The following MTSS2 variants were observed in gnomAD, a reference collection of about 807,000 sequenced individuals.
MTSS2 encodes MTSS I-BAR domain containing 2.
MTSS2 carries 27 observed loss-of-function variants against 67.1 expected under a neutral mutation model. The ratio of observed to expected loss-of-function variants is 0.40; its 90% CI spans 0.30 to 0.55. The LOEUF (loss-of-function observed/expected upper bound fraction) is 0.55. MTSS2 is among the 20% of genes least tolerant of loss of function. MTSS2 has a pLI of 0.43. For synonymous variants in MTSS2, 624 were observed against 468.6 expected (o/e 1.33, Z -4.28); for missense variants, 1,171 against 1,067.8 (o/e 1.10, Z -1.35).
At chr16:70,679,727 G>C in intron 5 of MTSS2, 23 bp from the exon 6 acceptor site, 1 of 1,610,318 alleles carries the variant, frequency 6.2e-7, no homozygotes, top group Non-Finnish European at 8.5e-7. Flanking sequence ...AGAGCGGAGC[G>C]CTCTAATGGG....
chr16:70,664,135 G>A lies in MTSS2; in HGVS notation c.1786C>T (p.Pro596Ser). 2 of 1,610,380 alleles carry A rather than the reference G, an allele frequency of 1.2e-6. No individual in the cohort carries two copies. The highest frequency in any genetic ancestry group is 1.7e-6 in the Non-Finnish European group (2 of 1,179,688). ...IRPPIVPVKTPTVPDSPGYMG... is the reference protein window; with the variant it reads ...IRPPIVPVKTSTVPDSPGYMG... ...TAGCCGGGGGAGTCAGGCACCGTGG[G>A]CGTCTTCACAGGGACGATGGGCGGC... is the stretch of plus-strand genomic sequence containing the variant. The change falls in exon 15 of 15, where the codon CCC becomes TCC. Residue 596 changes from proline (P) to serine (S), a missense_variant. Coordinates refer to ENST00000338779, the MANE Select transcript of MTSS2 (RefSeq NM_138383.3).
In MTSS2 at chr16:70,680,134, C is replaced by G. The variant is rs909421567; in HGVS notation, c.206-79G>C. ...GGCCTCGGGCCAGGAGGGGGCGCCC[C>G]GGCCGCGCAGGCGGAGCCCGCAGCC... On this transcript the variant is annotated intron_variant, in intron 3 of 14. Transcript: ENST00000338779. 15 of 1,053,070 alleles carry G rather than the reference C, an allele frequency of 1.4e-5. 1 individual carries two copies. The Admixed American group carries it at 6.2e-4, about 43-fold the overall frequency. The allele number at this position is 1,053,070 out of a possible 1,614,324, so 65.2% of individuals were successfully genotyped here. A position where few individuals can be genotyped will look rare whatever the true frequency, so the allele number is the denominator to read the frequency against.
intron 12 of MTSS2, 119 bp from the exon 13 acceptor site, chr16:70,665,215 A>G: frequency 1.7e-6 from 2 of 1,207,418 alleles, no homozygotes; most frequent in African/African-American, 3.0e-5. Context: ...TCTGGTTCGC[A>G]ATCACAGCCA....
chr16:70,684,006 T>C (rs530598422), intron 1 of MTSS2, among the ~76,000 whole-genome samples: 2 of 152,254 alleles, frequency 1.3e-5, no homozygotes, highest in Non-Finnish European at 2.9e-5. Flanking sequence ...GCCCGATGTC[T>C]GGCTTGAACC....
rs570098793 is a variant in MTSS2 at position 70,661,273 on chromosome 16, A to G, written c.*2404T>C. 77 of 453,948 alleles carry G rather than the reference A, an allele frequency of 1.7e-4. 2 individuals carry two copies. Among genetic ancestry groups the G allele is most frequent in the South Asian group, 1.1e-3 (73 of 64,316 alleles). The allele number at this position is 453,948 out of a possible 1,614,324, so 28.1% of individuals were successfully genotyped here. On this transcript the variant is annotated 3_prime_UTR_variant, in exon 15 of 15. Coordinates refer to ENST00000338779, the MANE Select transcript of MTSS2 (RefSeq NM_138383.3). ...GCATCTGTTACTTGTAGCAGTGACT[A>G]TATTTAAATCGGGGAGGATGGTGTG...
rs2053235539 is a variant in MTSS2, at chr16:70,679,691, GGC to G, written c.394_395del (p.Ala132ProfsTer3). 6.2e-7 allele frequency: 1 copy of G among 1,611,346 alleles called. No homozygotes were observed. On this transcript the variant is annotated frameshift_variant, in exon 6 of 15. Coordinates refer to ENST00000338779, the MANE Select transcript of MTSS2 (RefSeq NM_138383.3). LOFTEE classifies it high-confidence loss of function. ...ACGACTTCTTTTTGATCTCATGCCG[GGC>G]TCGTTTGTACTCTGCAGAAGGGGAG... ...DKDHAKEYKR[A>X]RHEIKKKSSD...
At chr16:70,677,702 ATCC>A (rs1442760739) in intron 9 of MTSS2, 87 bp downstream of exon 9, 2 of 1,013,670 alleles carry the variant, frequency 2.0e-6, no homozygotes, top group Non-Finnish European at 2.9e-6. Context: ...CCCAAATGCC[ATCC>A]TCTTTTCCCC....
intron 3 of MTSS2, among the ~76,000 whole-genome samples, chr16:70,680,278 CCT>C (rs2053262224): frequency 6.6e-6 from 1 of 152,124 alleles, no homozygotes. Context: ...GGCGGCCTCC[CCT>C]CTCTCCCAGC....
Position 70,664,068 on chromosome 16 carries a change from T to C in MTSS2, c.1853A>G (p.Tyr618Cys), listed in dbSNP as rs768270523. Residue 618 changes from tyrosine to cysteine, a missense_variant, in exon 15 of 15, where the codon TAT (tyrosine) becomes TGT (cysteine). Transcript: ENST00000338779. The part of the protein sequence containing the change: ...TRAGSEECVF[Y>C]TDETASPLAP... ...CAGGGGTGAGGCGGTCTCGTCGGTA[T>C]AGAAGACGCACTCCTCACTGCCCGC... The C allele has an allele frequency of 8.6e-5, 138 of 1,611,446 alleles. No homozygotes were observed. The highest frequency in any genetic ancestry group is 1.0e-4 in the Non-Finnish European group (121 of 1,179,426).
At position 70,663,629 on chromosome 16, in the gene MTSS2, G is replaced by A; in HGVS notation, c.*48C>T. ...CTGAGTGCCTGCGGCTCACAGACCA[G>A]GCCACCTGCTCGCACTGGGGCCTGA... is the stretch of plus-strand genomic sequence containing the variant. On this transcript the variant is annotated 3_prime_UTR_variant, in exon 15 of 15. Transcript: ENST00000338779. 6.6e-7 allele frequency: 1 copy of A among 1,504,108 alleles called. No individual in the cohort carries two copies. The highest frequency in any genetic ancestry group is 8.9e-7 in the Non-Finnish European group (1 of 1,125,346). 93.2% of individuals were successfully genotyped at this position (1,504,108 alleles called of 1,614,324 possible).
In MTSS2 at chr16:70,665,487, G is replaced by A; in HGVS notation, c.1107C>T (p.Ser369=). ...TGACCGAGGTGGGGGAGCTGCACTC[G>A]CTAACGGACTGGCAGGTTTCCGAGG... is the stretch of plus-strand genomic sequence containing the variant. ...SEASETCQSV[S]ECSSPTSDWS... The change falls in exon 12 of 15, where the codon AGC becomes AGT. Residue 369 remains serine, a synonymous_variant. Transcript: ENST00000338779. The A allele has an allele frequency of 2.6e-6, 4 of 1,556,612 alleles. No homozygotes were observed. The highest frequency in any genetic ancestry group is 2.6e-6 in the Non-Finnish European group (3 of 1,151,002).
At chr16:70,666,823 C>T (rs1201058001) in intron 11 of MTSS2, among the ~76,000 whole-genome samples, 1 of 152,212 alleles carries the variant, frequency 6.6e-6, no homozygotes, top group Admixed American at 6.5e-5. Context: ...AGAAAGGAAG[C>T]TAATCTGATA....
Position 70,665,557 on chromosome 16 carries a change from AGCAGGCGGTTGCAGACAGAGGGGCCG to A in MTSS2, c.1054-43_1054-18del. ...GGAGGACTTCTGCCATGCAGAGGCC[AGCAGGCGGTTGCAGACAGAGGGGCCG>A]GCAGGCAGCAAGGAGGAGAGGAGAG... On this transcript the variant is annotated intron_variant, in intron 11 of 14. Transcript: ENST00000338779. 6.5e-7 allele frequency: 1 copy of A among 1,544,148 alleles called. No homozygotes were observed. Among genetic ancestry groups the A allele is most frequent in the Non-Finnish European group, 8.7e-7 (1 of 1,144,824 alleles).
chr16:70,673,074 T>C (rs1567495865), intron 11 of MTSS2, among the ~76,000 whole-genome samples: 1 of 151,896 alleles, frequency 6.6e-6, no homozygotes, highest in Admixed American at 6.6e-5. Context: ...GGTGGGAGGA[T>C]CGCTTGAGCC....
rs893932155 is a variant in MTSS2 at position 70,681,134 on chromosome 16, C to T, written c.70-109G>A. The T allele has an allele frequency of 8.8e-6, 9 of 1,026,948 alleles. No individual in the cohort carries two copies. The African/African-American group carries it at 9.5e-5, about 11-fold the overall frequency. The allele number at this position is 1,026,948 out of a possible 1,614,324, so 63.6% of individuals were successfully genotyped here. On this transcript the variant is annotated intron_variant, in intron 1 of 14. Transcript: ENST00000338779. Reference sequence around the variant, plus strand: ...TCCAGACTTGGGGCAGTTTCTAAGACAGCAGCCCTGCCCCATGGAGAGGGA... The same window carrying T: ...TCCAGACTTGGGGCAGTTTCTAAGATAGCAGCCCTGCCCCATGGAGAGGGA...
At chr16:70,665,748 C>A in intron 11 of MTSS2, 2 of 499,064 alleles carry the variant, frequency 4.0e-6, no homozygotes, top group South Asian at 2.8e-5. Flanking sequence ...ACACGGTGAA[C>A]GCTGACCCAC....
At position 70,679,870 on chromosome 16, in the gene MTSS2, G is replaced by A; in HGVS notation, c.298C>T (p.Leu100=). Residue 100 remains leucine (L), a synonymous_variant, in exon 5 of 15, where the codon CTG becomes TTG. Transcript: ENST00000338779. ...TKLRQFTNAL[L]ESLINPLQER... is the part of the protein sequence containing the mutation. ...TGCAGCGGGTTGATGAGGCTCTCCA[G>A]CAGTGCGCTGCGGAGGGCGGGCGGG... 1 of 1,600,228 alleles carries A rather than the reference G, an allele frequency of 6.2e-7. No individual in the cohort carries two copies. Among genetic ancestry groups the A allele is most frequent in the Non-Finnish European group, 8.5e-7 (1 of 1,178,844 alleles).
rs1418460383 is a variant in MTSS2 at position 70,679,306 on chromosome 16, T to G, written c.466+9A>C. 7.4e-6 allele frequency: 12 copies of G among 1,613,788 alleles called. No individual in the cohort carries two copies. Among genetic ancestry groups the G allele is most frequent in the South Asian group, 1.1e-5 (1 of 91,068 alleles). The stretch of plus-strand genomic sequence containing the variant: ...GAGGAGCAGCTGGAGGGACCGACAT[T>G]TGACTTACCAAGTAGCTCTACAGGA... On this transcript the variant is annotated intron_variant, in intron 7 of 14. Coordinates refer to ENST00000338779, the MANE Select transcript of MTSS2 (RefSeq NM_138383.3).
Position 70,685,803 on chromosome 16 carries a change from G to T in MTSS2, c.-12C>A. ...TCCGCCGTCTCCATGCTCTGGCTGG[G>T]CCGGGCCGCGGCGGCGGCTAGGCGC... is the stretch of plus-strand genomic sequence containing the variant. On this transcript the variant is annotated 5_prime_UTR_variant, in exon 1 of 15. Transcript: ENST00000338779. The T allele has an allele frequency of 1.5e-6, 2 of 1,316,268 alleles. No individual in the cohort carries two copies. The highest frequency in any genetic ancestry group is 9.9e-7 in the Non-Finnish European group (1 of 1,014,348). The allele number at this position is 1,316,268 out of a possible 1,614,324, so 81.5% of individuals were successfully genotyped here.
Sources: gnomAD v4.1 joint callset for allele counts (sites outside exome capture counted in the v4.1 genomes callset) on GRCh38, gnomAD v4.1.1 for gene constraint, MANE v1.5 for transcripts, NCBI Gene and HGNC (gene_info 2026-07-23, HGNC 2026-07-21) for gene names.